The following ZMIZ1 variants were observed in gnomAD, a reference collection of about 807,000 sequenced individuals.
ZMIZ1 encodes zinc finger MIZ domain-containing protein 1.
ZMIZ1 carries 17 observed loss-of-function variants against 113.9 expected under a neutral mutation model. The observed-to-expected ratio is 0.15, with a 90% CI of 0.10 to 0.22. ZMIZ1 has a LOEUF of 0.22. ZMIZ1 is among the 10% of genes least tolerant of loss of function. The pLI is 1.00. For synonymous variants in ZMIZ1, 607 were observed against 603.1 expected, an observed-to-expected ratio of 1.01 and a Z score of -0.09; for missense variants, 1,059 against 1,477.8, an observed-to-expected ratio of 0.72 and a Z score of 4.65.
At chr10:79,176,318 G>A (rs191058644) in intron 4 of ZMIZ1, among the ~76,000 whole-genome samples, 19 of 152,226 alleles carry the variant, frequency 1.2e-4, no homozygotes, top group African/African-American at 4.6e-4. Context: ...TACCTATGAT[G>A]GACCAGCGCT....
intron 1 of ZMIZ1, among the ~76,000 whole-genome samples, chr10:79,090,834 C>T (rs1842964237): frequency 1.3e-5 from 2 of 152,224 alleles, no homozygotes; most frequent in Non-Finnish European, 2.9e-5. Context: ...CCAGACTGCC[C>T]AGCTGGGCCA....
rs76380038 is a variant in ZMIZ1, at chr10:79,120,828, G to T, written c.-227+1804G>T. Among the ~76,000 whole-genome samples, 147 of 152,316 alleles carry T rather than the reference G, an allele frequency of 9.7e-4. 1 individual carries two copies. In the East Asian group the frequency reaches 0.013, roughly 14 times the overall value. On this transcript the variant is annotated intron_variant, in intron 2 of 24. Transcript: ENST00000334512. ...GGGGCCTGGGTACTCTCTGAATCATGGGCATGACAGTCCACCCTGCCTGCC... is the reference window on the plus strand; with the variant it reads ...GGGGCCTGGGTACTCTCTGAATCATTGGCATGACAGTCCACCCTGCCTGCC...
intron 3 of ZMIZ1, among the ~76,000 whole-genome samples, chr10:79,142,632 G>A (rs368709228): frequency 3.9e-5 from 6 of 152,202 alleles, no homozygotes; most frequent in Admixed American, 2.0e-4. Context: ...AGACCACACC[G>A]CCTTCCTGCC....
At chr10:79,086,651 G>T (rs1274676164) in intron 1 of ZMIZ1, among the ~76,000 whole-genome samples, 1 of 152,142 alleles carries the variant, frequency 6.6e-6, no homozygotes, top group Non-Finnish European at 1.5e-5. Flanking sequence ...TGGGACTACC[G>T]GCACGAGCCA....
intron 1 of ZMIZ1, among the ~76,000 whole-genome samples, chr10:79,116,847 C>T (rs963487263): frequency 5.3e-5 from 8 of 152,220 alleles, no homozygotes; most frequent in Middle Eastern, 3.2e-3. Flanking sequence ...TCAAGGATAC[C>T]GACTGTCCTG....
chr10:79,125,952 C>T (rs182794652), intron 2 of ZMIZ1, among the ~76,000 whole-genome samples: 7 of 152,260 alleles, frequency 4.6e-5, no homozygotes, highest in Non-Finnish European at 7.4e-5. Flanking sequence ...CCAGCAGCAG[C>T]GATAGGAGCC....
chr10:79,177,236 A>G (rs1589381698), intron 4 of ZMIZ1, among the ~76,000 whole-genome samples: 1 of 151,988 alleles, frequency 6.6e-6, no homozygotes, highest in South Asian at 2.1e-4. Flanking sequence ...TCCCCACAGC[A>G]CCGCCACAAA....
intron 6 of ZMIZ1, among the ~76,000 whole-genome samples, chr10:79,215,355 A>G (rs1848681093): frequency 1.3e-5 from 2 of 149,916 alleles, no homozygotes; most frequent in East Asian, 2.0e-4. Flanking sequence ...GCTGGAGTGC[A>G]GTGGTGCGAT....
intron 1 of ZMIZ1, among the ~76,000 whole-genome samples, chr10:79,091,306 T>A (rs1842976182): frequency 6.6e-6 from 1 of 152,234 alleles, no homozygotes; most frequent in African/African-American, 2.4e-5. Context: ...TATTGGCCTA[T>A]TTCTAGACTC....
At chr10:79,208,168 G>A (rs1041497212) in intron 5 of ZMIZ1, among the ~76,000 whole-genome samples, 168 bp from the exon 6 acceptor site, 2 of 149,662 alleles carry the variant, frequency 1.3e-5, no homozygotes, top group Non-Finnish European at 3.0e-5. Flanking sequence ...CCGAGCACAG[G>A]GTGTGAAATC....
chr10:79,208,559 T>A, intron 6 of ZMIZ1, 110 bp downstream of exon 6: 3 of 906,408 alleles, frequency 3.3e-6, no homozygotes, highest in Non-Finnish European at 5.0e-6. Context: ...GTGACACCAG[T>A]GAGAGAGCTG....
intron 8 of ZMIZ1, chr10:79,285,664 T>C (rs1376988840): frequency 2.2e-6 from 1 of 445,118 alleles, no homozygotes; most frequent in South Asian, 1.6e-5. Flanking sequence ...CATTTTTTTG[T>C]TTAGCAAAGG....
At chr10:79,284,346 G>A (rs765196835) in intron 8 of ZMIZ1, among the ~76,000 whole-genome samples, 4 of 152,198 alleles carry the variant, frequency 2.6e-5, no homozygotes, top group African/African-American at 9.7e-5. Flanking sequence ...GAGTATGCAG[G>A]CTGGGCTTTG....
chr10:79,081,968 G>C (rs937924434), intron 1 of ZMIZ1, among the ~76,000 whole-genome samples: 1 of 152,268 alleles, frequency 6.6e-6, no homozygotes, highest in Non-Finnish European at 1.5e-5. Flanking sequence ...CCCCAGAGGG[G>C]ACGAGGTCAC....
chr10:79,098,516 T>C (rs557317833), intron 1 of ZMIZ1, among the ~76,000 whole-genome samples: 102 of 152,316 alleles, frequency 6.7e-4, no homozygotes, highest in Middle Eastern at 3.4e-3. Context: ...CATAAATGAA[T>C]TAATACTTGT....
chr10:79,160,785 C>T lies in ZMIZ1; in HGVS notation c.-130-1268C>T, dbSNP rs578024178. On this transcript the variant is annotated intron_variant, in intron 3 of 24. Coordinates refer to ENST00000334512, the MANE Select transcript of ZMIZ1 (RefSeq NM_020338.4). ...GGCGTGTATGGAGGCCTATGCTTCA[C>T]GTGATGTGGGCACCACCTCTCCCGC... Among the ~76,000 whole-genome samples the T allele has an allele frequency of 3.5e-4, 54 of 152,358 alleles. No individual in the cohort carries two copies. In the South Asian group the frequency reaches 8.5e-3, roughly 24 times the overall value.
At chr10:79,287,407 C>A (rs928032041) in intron 8 of ZMIZ1, among the ~76,000 whole-genome samples, 1 of 152,244 alleles carries the variant, frequency 6.6e-6, no homozygotes, top group Non-Finnish European at 1.5e-5. Context: ...ACTGAGTGCC[C>A]TGAGTACAGC....
At chr10:79,134,232 G>C (rs895210779) in intron 2 of ZMIZ1, among the ~76,000 whole-genome samples, 32 of 152,330 alleles carry the variant, frequency 2.1e-4, no homozygotes, top group Middle Eastern at 3.4e-3. Flanking sequence ...GCTGCAGTCT[G>C]ATTGGTGGAG....
rs1233537649 is a variant in ZMIZ1, at chr10:79,245,770, T to TG, written c.280+29498dup. Among the ~76,000 whole-genome samples, 3 of 152,360 alleles carry TG rather than the reference T, an allele frequency of 2.0e-5. No individual in the cohort carries two copies. The East Asian group carries it at 5.8e-4, about 29-fold the overall frequency. On this transcript the variant is annotated intron_variant, in intron 7 of 24. Transcript: ENST00000334512. ...TGACGCCATTCAGTACAGTAGCCAC[T>TG]GGCCACATGTGGCTGTTTGTGAATT... is the stretch of plus-strand genomic sequence containing the variant.
Sources: gnomAD v4.1 joint callset for allele counts (sites outside exome capture counted in the v4.1 genomes callset) on GRCh38, gnomAD v4.1.1 for gene constraint, MANE v1.5 for transcripts, NCBI Gene and HGNC (gene_info 2026-07-23, HGNC 2026-07-21) for gene names.